The following VPS13A variants were observed in gnomAD, a reference collection of about 807,000 sequenced individuals.
VPS13A encodes intermembrane lipid transfer protein VPS13A.
A neutral mutation model predicts 390.9 loss-of-function variants in VPS13A; 264 were observed. That is an observed-to-expected ratio of 0.68 (90% CI 0.61 to 0.75). VPS13A has a LOEUF of 0.75. Ranked by LOEUF, VPS13A falls within the 30% of genes least tolerant of loss-of-function variation. The pLI, the probability that VPS13A is intolerant of heterozygous loss-of-function variation, is 0.00. For synonymous variants in VPS13A, 1,231 were observed against 1,227.1 expected (o/e 1.00, Z -0.07); for missense variants, 3,409 against 3,733.9 (o/e 0.91, Z 2.27).
chr9:77,364,296 G>GTGC (rs750566015), intron 59 of VPS13A, among the ~76,000 whole-genome samples: 6 of 152,016 alleles, frequency 3.9e-5, no homozygotes, highest in African/African-American at 1.4e-4. Flanking sequence ...GTGTTGGCAG[G>GTGC]TGCCTGTAAT....
chr9:77,283,392 G>A lies in VPS13A; in HGVS notation c.3156G>A (p.Leu1052=). 6.2e-7 allele frequency: 1 copy of A among 1,605,816 alleles called. No homozygotes were observed. The highest frequency in any genetic ancestry group is 8.5e-7 in the Non-Finnish European group (1 of 1,173,564). Reference sequence around the variant, plus strand: ...CCACAAATGAAGATATCATTACTTTGCAGATTTTAGCAGAATTATCGTGTT... The same window carrying A: ...CCACAAATGAAGATATCATTACTTTACAGATTTTAGCAGAATTATCGTGTT... ...KLSTNEDIIT[L]QILAELSCLQ... is the part of the protein sequence containing the mutation. The change falls in exon 30 of 72, where the codon TTG becomes TTA. Residue 1052 remains leucine, a synonymous_variant. Transcript: ENST00000360280.
At chr9:77,414,293 T>G (rs1255965544) in intron 71 of VPS13A, among the ~76,000 whole-genome samples, 1 of 152,196 alleles carries the variant, frequency 6.6e-6, no homozygotes, top group Non-Finnish European at 1.5e-5. Context: ...TGCACACATA[T>G]GTTTATTGCG....
intron 19 of VPS13A, among the ~76,000 whole-genome samples, chr9:77,246,039 G>T (rs1036515791): frequency 3.3e-5 from 5 of 152,052 alleles, no homozygotes; most frequent in African/African-American, 1.2e-4. Flanking sequence ...TTACCATGAG[G>T]ACAACATCAA....
chr9:77,253,431 G>T (rs1424461387), intron 22 of VPS13A, among the ~76,000 whole-genome samples: 1 of 152,038 alleles, frequency 6.6e-6, no homozygotes, highest in Non-Finnish European at 1.5e-5. Flanking sequence ...TCAGCCTCCT[G>T]AGTAGCTGGG....
At chr9:77,220,102 T>G (rs1823106776) in intron 11 of VPS13A, 21 bp downstream of exon 11, 2 of 1,590,430 alleles carry the variant, frequency 1.3e-6, no homozygotes, top group South Asian at 2.2e-5. Context: ...TTAATATAAT[T>G]TTCAATTGTG....
At chr9:77,366,623 CTTAT>C (rs1832444687) in intron 60 of VPS13A, 100 bp from the exon 61 acceptor site, 10 of 1,015,670 alleles carry the variant, frequency 9.8e-6, no homozygotes, top group East Asian at 2.7e-5. Context: ...ACTTTGAAAT[CTTAT>C]TTATGGTGTA....
intron 55 of VPS13A, among the ~76,000 whole-genome samples, chr9:77,357,163 AC>A (rs750291953): frequency 4.4e-4 from 67 of 151,856 alleles, no homozygotes; most frequent in Non-Finnish European, 4.9e-4. Context: ...TGCTAAAAAT[AC>A]AAAAATTAGC....
chr9:77,348,875 G>A (rs1306952430), intron 52 of VPS13A, among the ~76,000 whole-genome samples: 1 of 152,046 alleles, frequency 6.6e-6, no homozygotes, highest in Non-Finnish European at 1.5e-5. Flanking sequence ...GGAATACTCT[G>A]CAATGAATTA....
chr9:77,378,957 T>G (rs1266588286), intron 67 of VPS13A, among the ~76,000 whole-genome samples: 1 of 151,976 alleles, frequency 6.6e-6, no homozygotes, highest in Non-Finnish European at 1.5e-5. Flanking sequence ...TTATTTATGC[T>G]TCTATGTTTT....
At chr9:77,401,750 G>A (rs1052821136) in intron 68 of VPS13A, among the ~76,000 whole-genome samples, 2 of 152,138 alleles carry the variant, frequency 1.3e-5, no homozygotes, top group African/African-American at 4.8e-5. Flanking sequence ...ATCTAATACA[G>A]TAGTCCTGTC....
At chr9:77,318,136 T>C in intron 40 of VPS13A, 99 bp from the exon 41 acceptor site, 1 of 662,492 alleles carries the variant, frequency 1.5e-6, no homozygotes, top group South Asian at 2.9e-5. Flanking sequence ...GTAGTAATGT[T>C]AATTCAGTAT....
intron 71 of VPS13A, among the ~76,000 whole-genome samples, chr9:77,412,733 T>TG (rs1834996334): frequency 6.6e-6 from 1 of 152,246 alleles, no homozygotes; most frequent in African/African-American, 2.4e-5. Flanking sequence ...AACATAGTGT[T>TG]GGAAGTTCTG....
At chr9:77,236,859 G>A (rs557261376) in intron 17 of VPS13A, among the ~76,000 whole-genome samples, 2 of 152,268 alleles carry the variant, frequency 1.3e-5, no homozygotes, top group African/African-American at 4.8e-5. Flanking sequence ...TCATAGCTCA[G>A]ATGCCACAGG....
At chr9:77,353,733 G>C (rs1344471821) in intron 54 of VPS13A, 92 bp downstream of exon 54, 2 of 1,273,384 alleles carry the variant, frequency 1.6e-6, no homozygotes, top group Non-Finnish European at 2.2e-6. Context: ...TTTAGTTTCA[G>C]TTTTGTGCTT....
intron 67 of VPS13A, among the ~76,000 whole-genome samples, chr9:77,374,510 G>C (rs980465548): frequency 6.6e-6 from 1 of 152,076 alleles, no homozygotes; most frequent in East Asian, 1.9e-4. Context: ...AAGCAGGGTG[G>C]CAAGAAATTT....
chr9:77,381,135 T>C (rs550919806), intron 67 of VPS13A, among the ~76,000 whole-genome samples: 1 of 152,300 alleles, frequency 6.6e-6, no homozygotes, highest in African/African-American at 2.4e-5. Flanking sequence ...GTATGTGGTA[T>C]GTGTTTTTTG....
At chr9:77,178,611 C>A (rs1309098508) in intron 1 of VPS13A, among the ~76,000 whole-genome samples, 1 of 152,168 alleles carries the variant, frequency 6.6e-6, no homozygotes, top group African/African-American at 2.4e-5. Flanking sequence ...TGAACAGGGC[C>A]CTACGCTGCC....
intron 26 of VPS13A, among the ~76,000 whole-genome samples, chr9:77,278,365 G>A (rs953817836): frequency 4.0e-5 from 6 of 151,346 alleles, no homozygotes; most frequent in East Asian, 1.9e-4. Context: ...GAGCCACCGC[G>A]CCTGGCCACA....
chr9:77,349,743 A>G (rs1239934770), intron 52 of VPS13A, among the ~76,000 whole-genome samples: 1 of 152,080 alleles, frequency 6.6e-6, no homozygotes, highest in Non-Finnish European at 1.5e-5. Flanking sequence ...TCCCAGGTTC[A>G]AGCGATTCTA....
Sources: allele counts gnomAD v4.1 joint callset (sites outside exome capture counted in the v4.1 genomes callset), GRCh38; gene constraint gnomAD v4.1.1; transcripts MANE v1.5; gene names NCBI Gene and HGNC (gene_info 2026-07-23, HGNC 2026-07-21).